Variants in SUPT16H observed in about 807,000 individuals in gnomAD.
SUPT16H encodes FACT complex subunit SPT16.
In SUPT16H, 24 loss-of-function variants were observed where a neutral mutation model predicts 136.2. That is an observed-to-expected ratio of 0.18 (90% CI 0.13 to 0.25). SUPT16H has a LOEUF of 0.25. Ranked by LOEUF, SUPT16H falls within the 10% of genes least tolerant of loss-of-function variation. The pLI is 1.00. For synonymous variants in SUPT16H, 415 were observed against 428.2 expected (o/e 0.97, Z 0.38); for missense variants, 623 against 1,270.2 (o/e 0.49, Z 7.74).
Position 21,358,297 on chromosome 14 carries a change from A to G in SUPT16H, c.2414+18T>C, listed in dbSNP as rs1359255073. On this transcript the variant is annotated intron_variant, in intron 20 of 25. Coordinates refer to ENST00000216297, the MANE Select transcript of SUPT16H (RefSeq NM_007192.4). ...AGACAGACCAGTCAAACTTCAAGCC[A>G]AAAATAAGATAGGTTACCCCAAGTC... 6.5e-7 allele frequency: 1 copy of G among 1,534,692 alleles called. No individual in the cohort carries two copies. Among genetic ancestry groups the G allele is most frequent in the East Asian group, 2.3e-5 (1 of 44,426 alleles).
At position 21,357,256 on chromosome 14, in the gene SUPT16H, T is replaced by C. The variant is rs762520567; in HGVS notation, c.2601A>G (p.Lys867=). The C allele has an allele frequency of 5.0e-6, 8 of 1,613,254 alleles. No homozygotes were observed. In the East Asian group the frequency reaches 1.6e-4, roughly 31 times the overall value. The change falls in exon 22 of 26, where the codon AAA becomes AAG. Residue 867 remains lysine (K), a synonymous_variant. Coordinates refer to ENST00000216297, the MANE Select transcript of SUPT16H (RefSeq NM_007192.4). ...CAGGAATGGCGTTGATCATGGTCAC[T>C]TTCTTGCTGTAGTCCTTGTAGACGA... ...MVIVYKDYSK[K]VTMINAIPVA...
At chr14:21,378,569 T>C (rs1347721087) in intron 1 of SUPT16H, among the ~76,000 whole-genome samples, 3 of 152,190 alleles carry the variant, frequency 2.0e-5, no homozygotes, top group Non-Finnish European at 2.9e-5. Flanking sequence ...CTTTCAACTT[T>C]TCTGTCTTTA....
Position 21,372,048 on chromosome 14 carries a change from T to C in SUPT16H, c.160-4A>G, listed in dbSNP as rs1020389470. 10 of 1,607,290 alleles carry C rather than the reference T, an allele frequency of 6.2e-6. No homozygotes were observed. The highest frequency in any genetic ancestry group is 7.6e-6 in the Non-Finnish European group (9 of 1,177,604). ...GTTCATAACCAAAGAGCCATGTCTA[T>C]GGAAAAAGACAACAGTGACAACGGT... On this transcript the variant is annotated splice_polypyrimidine_tract_variant and splice_region_variant and intron_variant, in intron 2 of 25. Coordinates refer to ENST00000216297, the MANE Select transcript of SUPT16H (RefSeq NM_007192.4).
chr14:21,370,416 C>A lies in SUPT16H; in HGVS notation c.403G>T (p.Gly135Ter). The A allele has an allele frequency of 6.2e-7, 1 of 1,613,954 alleles. No individual in the cohort carries two copies. Among genetic ancestry groups the A allele is most frequent in the Non-Finnish European group, 8.5e-7 (1 of 1,179,996 alleles). ...GGGAATTTGTCTTTGCTGAACACTC[C>A]AATCTTCTTGCCATTCTTGCTTTCT... ...IKESKNGKKI[G>*]VFSKDKFPGE... is the part of the protein sequence containing the mutation. Residue 135 changes from glycine (G) to a stop codon, truncating the protein, a stop_gained, in exon 4 of 26, where the codon GGA (glycine) becomes TGA (stop). Coordinates refer to ENST00000216297, the MANE Select transcript of SUPT16H (RefSeq NM_007192.4). LOFTEE classifies it high-confidence loss of function.
At chr14:21,373,283 G>T in intron 2 of SUPT16H, 55 bp downstream of exon 2, 1 of 1,328,440 alleles carries the variant, frequency 7.5e-7, no homozygotes, top group African/African-American at 1.4e-5. Flanking sequence ...ATACTGAACA[G>T]TGCAGTAGAT....
intron 15 of SUPT16H, among the ~76,000 whole-genome samples, chr14:21,361,653 A>G (rs965543585): frequency 2.0e-5 from 3 of 152,140 alleles, no homozygotes; most frequent in Admixed American, 1.3e-4. Context: ...CTGGTATAAC[A>G]TCCCCAAATT....
chr14:21,381,003 G>C (rs1887010730), intron 1 of SUPT16H, among the ~76,000 whole-genome samples: 1 of 151,736 alleles, frequency 6.6e-6, no homozygotes, highest in African/African-American at 2.4e-5. Flanking sequence ...TACCACCTGC[G>C]ATATTCTAAT....
chr14:21,363,656 C>T (rs1886605138), intron 10 of SUPT16H, among the ~76,000 whole-genome samples, 153 bp from the exon 11 acceptor site: 1 of 152,128 alleles, frequency 6.6e-6, no homozygotes, highest in South Asian at 2.1e-4. Flanking sequence ...CCTCTAACCT[C>T]TCGTCAGGAG....
intron 18 of SUPT16H, 70 bp downstream of exon 18, chr14:21,360,345 T>C (rs1886525680): frequency 6.4e-6 from 8 of 1,243,220 alleles, no homozygotes; most frequent in Non-Finnish European, 8.0e-6. Context: ...CACTATTTTA[T>C]AGGAAAGAAG....
At chr14:21,361,297 T>A in intron 15 of SUPT16H, 84 bp from the exon 16 acceptor site, 1 of 1,294,200 alleles carries the variant, frequency 7.7e-7, no homozygotes, top group Non-Finnish European at 1.1e-6. Flanking sequence ...CTAAGCAGCT[T>A]AATCTCTACT....
chr14:21,379,007 G>A (rs1412065779), intron 1 of SUPT16H, among the ~76,000 whole-genome samples: 1 of 152,158 alleles, frequency 6.6e-6, no homozygotes, highest in Non-Finnish European at 1.5e-5. Context: ...AACTGATACT[G>A]CCTTAAAAAA....
intron 21 of SUPT16H, 110 bp downstream of exon 21, chr14:21,357,817 G>T: frequency 9.0e-7 from 1 of 1,110,128 alleles, no homozygotes; most frequent in Non-Finnish European, 1.3e-6. Flanking sequence ...TGAGTTTTAA[G>T]TCTAAGTAAA....
intron 1 of SUPT16H, chr14:21,383,511 G>A: frequency 3.2e-6 from 2 of 632,182 alleles, no homozygotes; most frequent in East Asian, 5.5e-5. Context: ...GGGACAGAGC[G>A]AGTGCGTGAG....
chr14:21,378,964 G>C (rs1045382332), intron 1 of SUPT16H, among the ~76,000 whole-genome samples: 8 of 152,148 alleles, frequency 5.3e-5, no homozygotes, highest in South Asian at 4.1e-4. Flanking sequence ...GAGAAATAGT[G>C]CAGCAGCAGA....
chr14:21,369,935 C>G (rs1594306150), intron 4 of SUPT16H, 39 bp from the exon 5 acceptor site: 1 of 1,604,540 alleles, frequency 6.2e-7, no homozygotes, highest in African/African-American at 1.3e-5. Context: ...CATGCAAGTA[C>G]AGAATTACAA....
Sources: allele counts gnomAD v4.1 joint callset (sites outside exome capture counted in the v4.1 genomes callset), GRCh38; gene constraint gnomAD v4.1.1; transcripts MANE v1.5; gene names NCBI Gene and HGNC (gene_info 2026-07-23, HGNC 2026-07-21).